The following FBXW7 variants were observed in gnomAD, a reference collection of about 807,000 sequenced individuals.
FBXW7 encodes the protein F-box/WD repeat-containing protein 7.
Under a neutral mutation model 86.3 loss-of-function variants are expected in FBXW7, and 11 were observed. The observed-to-expected ratio is 0.13, with a 90% CI of 0.08 to 0.21. The LOEUF is 0.21. FBXW7 is among the 10% of genes least tolerant of loss of function. FBXW7 has a pLI of 1.00. For synonymous variants in FBXW7, 313 were observed against 297.9 expected, an observed-to-expected ratio of 1.05 and a Z score of -0.52; for missense variants, 488 against 847.4, an observed-to-expected ratio of 0.58 and a Z score of 5.27.
intron 2 of FBXW7, among the ~76,000 whole-genome samples, chr4:152,503,644 T>A (rs1187626896): frequency 8.0e-6 from 1 of 124,428 alleles, no homozygotes; most frequent in Non-Finnish European, 1.6e-5. Context: ...ACTATGTAGC[T>A]GTAAAAAAAA....
intron 7 of FBXW7, among the ~76,000 whole-genome samples, chr4:152,335,086 G>A (rs1181527487): frequency 1.3e-5 from 2 of 152,094 alleles, no homozygotes; most frequent in East Asian, 3.9e-4. Flanking sequence ...TGAGGAGGAA[G>A]TATACCAGTT....
intron 2 of FBXW7, among the ~76,000 whole-genome samples, chr4:152,492,325 G>C (rs1373398732): frequency 1.3e-5 from 2 of 152,188 alleles, no homozygotes; most frequent in Non-Finnish European, 2.9e-5. Context: ...TCAGCTGTAA[G>C]GAGTAAATCG....
chr4:152,436,735 CTTAAGAA>C (rs1316601571), intron 2 of FBXW7, among the ~76,000 whole-genome samples: 1 of 152,102 alleles, frequency 6.6e-6, no homozygotes, highest in South Asian at 2.1e-4. Context: ...CTGTAGAGCT[CTTAAGAA>C]TTAGGCTAAA....
rs137949881 is a variant in FBXW7 at position 152,512,619 on chromosome 4, G to A, written c.-120+22322C>T. Among the ~76,000 whole-genome samples, 37 of 152,226 alleles carry A rather than the reference G, an allele frequency of 2.4e-4. No individual in the cohort carries two copies. In the East Asian group the frequency reaches 6.4e-3, roughly 26 times the overall value. ...AAGAACACTGAAAACATCGTGTTAC[G>A]TGAAAGAAGCCAAACACAAAAGGCC... On this transcript the variant is annotated intron_variant, in intron 2 of 13. Transcript: ENST00000281708.
At chr4:152,446,072 A>G (rs1301619015) in intron 2 of FBXW7, among the ~76,000 whole-genome samples, 1 of 152,204 alleles carries the variant, frequency 6.6e-6, no homozygotes, top group Non-Finnish European at 1.5e-5. Flanking sequence ...GAAAGCACCA[A>G]TAACATAATG....
intron 2 of FBXW7, among the ~76,000 whole-genome samples, chr4:152,463,505 G>C (rs973797822): frequency 6.6e-6 from 1 of 151,886 alleles, no homozygotes; most frequent in African/African-American, 2.4e-5. Flanking sequence ...TAGACAAGAA[G>C]TGGTCAGAGA....
chr4:152,483,357 G>C (rs1276426478), intron 2 of FBXW7, among the ~76,000 whole-genome samples: 1 of 151,142 alleles, frequency 6.6e-6, no homozygotes, highest in East Asian at 1.9e-4. Flanking sequence ...TTGTAATAGA[G>C]TCAAATCTGT....
chr4:152,471,031 G>A (rs986883107), intron 2 of FBXW7, among the ~76,000 whole-genome samples: 11 of 151,880 alleles, frequency 7.2e-5, no homozygotes, highest in African/African-American at 2.7e-4. Context: ...ATCATAACTA[G>A]CAGAAAATGT....
intron 2 of FBXW7, among the ~76,000 whole-genome samples, chr4:152,500,006 C>T (rs1177864560): frequency 2.6e-5 from 4 of 152,124 alleles, no homozygotes; most frequent in Non-Finnish European, 5.9e-5. Flanking sequence ...TCTGGCCACA[C>T]CCCCTGAAGT....
Position 152,322,449 on chromosome 4 carries a change from C to T in FBXW7, c.*432G>A. 1 of 236,512 alleles carries T rather than the reference C, an allele frequency of 4.2e-6. No individual in the cohort carries two copies. Among genetic ancestry groups the T allele is most frequent in the Non-Finnish European group, 8.3e-6 (1 of 120,288 alleles). 14.7% of individuals were successfully genotyped at this position (236,512 alleles called of 1,614,324 possible). On this transcript the variant is annotated 3_prime_UTR_variant, in exon 14 of 14. Transcript: ENST00000281708. ...AGATGCTCTCTAATTAGAAAGTCAA[C>T]CAGTACTTGTTTTGATATTATTGCA...
chr4:152,350,773 A>G (rs1378641678), intron 4 of FBXW7, among the ~76,000 whole-genome samples: 3 of 151,994 alleles, frequency 2.0e-5, no homozygotes, highest in South Asian at 4.2e-4. Context: ...TATATACAGA[A>G]TATAGCTCTA....
chr4:152,461,009 A>C (rs559554999), intron 2 of FBXW7, among the ~76,000 whole-genome samples: 103 of 152,322 alleles, frequency 6.8e-4, no homozygotes, highest in Non-Finnish European at 1.1e-3. Context: ...GGCCGAGCAC[A>C]GTGGCTCACG....
intron 6 of FBXW7, among the ~76,000 whole-genome samples, chr4:152,340,081 C>T (rs1730571403): frequency 6.6e-6 from 1 of 151,858 alleles, no homozygotes; most frequent in Non-Finnish European, 1.5e-5. Context: ...TTAGAAATTT[C>T]CATATATTTA....
chr4:152,531,019 G>A (rs1030012593), intron 2 of FBXW7, among the ~76,000 whole-genome samples: 2 of 152,110 alleles, frequency 1.3e-5, no homozygotes, highest in African/African-American at 2.4e-5. Context: ...ACAATGAAAT[G>A]AGCCTATGCA....
At chr4:152,441,069 A>T (rs892085308) in intron 2 of FBXW7, among the ~76,000 whole-genome samples, 2 of 152,164 alleles carry the variant, frequency 1.3e-5, no homozygotes, top group East Asian at 3.8e-4. Context: ...ATAAACAGAA[A>T]ATACGTATCA....
At chr4:152,504,613 T>C (rs1196183051) in intron 2 of FBXW7, among the ~76,000 whole-genome samples, 1 of 152,108 alleles carries the variant, frequency 6.6e-6, no homozygotes, top group African/African-American at 2.4e-5. Context: ...TACAGAAAAA[T>C]TATTTTTTGG....
intron 2 of FBXW7, among the ~76,000 whole-genome samples, chr4:152,476,666 A>G (rs1173376928): frequency 1.3e-5 from 2 of 152,200 alleles, no homozygotes; most frequent in Non-Finnish European, 2.9e-5. Flanking sequence ...ATACTTCACT[A>G]TCTTCTGTCA....
chr4:152,439,090 T>G (rs888059200), intron 2 of FBXW7, among the ~76,000 whole-genome samples: 3 of 152,098 alleles, frequency 2.0e-5, no homozygotes, highest in South Asian at 4.1e-4. Flanking sequence ...ATGATGACCT[T>G]AAGAAAAAAA....
Position 152,323,153 on chromosome 4 carries a change from G to C in FBXW7, c.1856-4C>G, listed in dbSNP as rs376275227. Reference sequence around the variant, plus strand: ...GCACTCTGATGCTTGTTGGGACCTAGACAAAAACCAAAAGAATTTAATTAC... The same window carrying C: ...GCACTCTGATGCTTGTTGGGACCTACACAAAAACCAAAAGAATTTAATTAC... On this transcript the variant is annotated splice_polypyrimidine_tract_variant and splice_region_variant and intron_variant, in intron 13 of 13. Coordinates refer to ENST00000281708, the MANE Select transcript of FBXW7 (RefSeq NM_001349798.2). The C allele has an allele frequency of 3.5e-5, 57 of 1,609,780 alleles. No individual in the cohort carries two copies. The highest frequency in any genetic ancestry group is 4.5e-5 in the Non-Finnish European group (53 of 1,177,038).
Sources: allele counts gnomAD v4.1 joint callset (sites outside exome capture counted in the v4.1 genomes callset), GRCh38; gene constraint gnomAD v4.1.1; transcripts MANE v1.5; gene names NCBI Gene and HGNC (gene_info 2026-07-23, HGNC 2026-07-21).